DELE1: variants seen among roughly 807,000 people sequenced by gnomAD.
The protein encoded by DELE1 is death ligand signal enhancer.
In DELE1, 54 loss-of-function variants were observed where a neutral mutation model predicts 59.3. The ratio of observed to expected loss-of-function variants is 0.91; its 90% CI spans 0.73 to 1.14. The LOEUF (loss-of-function observed/expected upper bound fraction) is 1.14. Among genes scored for constraint, DELE1 ranks in the 50% most tolerant of loss-of-function variants. The pLI is 0.00. For missense variants in DELE1, 636 were observed against 643.9 expected (o/e 0.99, Z 0.13); for synonymous variants, 264 against 259.1 (o/e 1.02, Z -0.18).
At chr5:141,935,997 T>C (rs1035684772) in intron 10 of DELE1, among the ~76,000 whole-genome samples, 4 of 152,188 alleles carry the variant, frequency 2.6e-5, no homozygotes, top group Non-Finnish European at 4.4e-5. Context: ...CTGTGTGTTA[T>C]AGAAGCAGGG....
chr5:141,925,355 C>T, intron 2 of DELE1, 55 bp from the exon 3 acceptor site: 2 of 1,246,250 alleles, frequency 1.6e-6, no homozygotes, highest in Non-Finnish European at 2.2e-6. Context: ...GCCACCGCAC[C>T]CAGTCCCTGG....
intron 3 of DELE1, among the ~76,000 whole-genome samples, chr5:141,926,399 G>C (rs1751425181): frequency 6.6e-6 from 1 of 152,136 alleles, no homozygotes; most frequent in Non-Finnish European, 1.5e-5. Context: ...CAAATACAGA[G>C]CCTAGCCCGT....
rs374773989 is a variant in DELE1 at position 141,929,724 on chromosome 5, G to A, written c.555G>A (p.Gln185=). The A allele has an allele frequency of 1.9e-6, 3 of 1,614,206 alleles. No homozygotes were observed. Among genetic ancestry groups the A allele is most frequent in the Non-Finnish European group, 1.7e-6 (2 of 1,180,030 alleles). ...ACTCTTTGAGAGGAGCTCGTCCTCA[G>A]GACCCCTCTGAGGAAGGTATGTCCC... The part of the protein sequence containing the change: ...SHNSLRGARP[Q]DPSEEGPGDF... The change falls in exon 5 of 12, where the codon CAG becomes CAA. Residue 185 remains glutamine (Q), a synonymous_variant. Coordinates refer to ENST00000432126, the MANE Select transcript of DELE1 (RefSeq NM_014773.5).
chr5:141,925,369 C>G, intron 2 of DELE1, 41 bp from the exon 3 acceptor site: 1 of 1,401,882 alleles, frequency 7.1e-7, no homozygotes, highest in Non-Finnish European at 9.8e-7. Flanking sequence ...TCCCTGGTCT[C>G]CCTTTGCCCC....
intron 6 of DELE1, 43 bp downstream of exon 6, chr5:141,930,117 T>C: frequency 1.2e-6 from 2 of 1,606,562 alleles, no homozygotes; most frequent in Middle Eastern, 1.7e-4. Context: ...TAACATTCTC[T>C]TGGGCAGGTG....
Position 141,939,734 on chromosome 5 carries a change from G to A in DELE1, c.*975G>A, listed in dbSNP as rs193029138. The A allele has an allele frequency of 5.1e-6, 5 of 978,330 alleles. No homozygotes were observed. In the African/African-American group the frequency reaches 8.8e-5, roughly 17 times the overall value. 60.6% of individuals were successfully genotyped at this position (978,330 alleles called of 1,614,324 possible). A position where few individuals can be genotyped will look rare whatever the true frequency, so the allele number is the denominator to read the frequency against. ...CAGGTCTGGCTCTGCCACTTGCCTG[G>A]CCATGTCACCTTGAAGCTGTGACCT... On this transcript the variant is annotated 3_prime_UTR_variant, in exon 12 of 12. Coordinates refer to ENST00000432126, the MANE Select transcript of DELE1 (RefSeq NM_014773.5).
chr5:141,941,094 C>T lies in DELE1; in HGVS notation c.*2335C>T, dbSNP rs555607793. ...GGGCACCCTCTGCGTGAAATGTCAC[C>T]GTGTGCCCTCCCTGTGGAGCCCCAC... On this transcript the variant is annotated 3_prime_UTR_variant, in exon 12 of 12. Transcript: ENST00000432126. The T allele has an allele frequency of 5.3e-5, 52 of 985,454 alleles. No homozygotes were observed. In the Middle Eastern group the frequency reaches 1.6e-3, roughly 30 times the overall value. 61.0% of individuals were successfully genotyped at this position (985,454 alleles called of 1,614,324 possible).
At position 141,933,289 on chromosome 5, in the gene DELE1, C is replaced by T. The variant is rs201533364; in HGVS notation, c.785C>T (p.Thr262Met). 28 of 1,565,486 alleles carry T rather than the reference C, an allele frequency of 1.8e-5. No individual in the cohort carries two copies. Among genetic ancestry groups the T allele is most frequent in the East Asian group, 1.1e-4 (5 of 43,544 alleles). The change falls in exon 8 of 12, where the codon ACG (threonine) becomes ATG (methionine). Residue 262 changes from threonine (T) to methionine (M), a missense_variant. Thr to Met is a moderately conservative substitution (Grantham distance 81, BLOSUM62 -1). Coordinates refer to ENST00000432126, the MANE Select transcript of DELE1 (RefSeq NM_014773.5). Reference sequence around the variant, plus strand: ...GAGAACATGAAGAGTGGCGACCACACGGCAGCCTTTTCTTACTTCCAGAAA... The same window carrying T: ...GAGAACATGAAGAGTGGCGACCACATGGCAGCCTTTTCTTACTTCCAGAAA... ...GTENMKSGDH[T>M]AAFSYFQKAA...
chr5:141,932,966 G>T (rs183972327), intron 7 of DELE1, among the ~76,000 whole-genome samples: 1 of 151,628 alleles, frequency 6.6e-6, no homozygotes, highest in Admixed American at 6.6e-5. Flanking sequence ...ATGGGGTCAG[G>T]CATCTGTAAA....
rs1278568313 is a variant in DELE1, at chr5:141,941,725, G to A, written c.*2966G>A. The A allele has an allele frequency of 1.0e-6, 1 of 985,132 alleles. No homozygotes were observed. The highest frequency in any genetic ancestry group is 1.1e-4 in the East Asian group (1 of 8,802). 61.0% of individuals were successfully genotyped at this position (985,132 alleles called of 1,614,324 possible). ...TTTCAGGGAGTCCTGACACTATGAT[G>A]GGAACAAGGCTATTTGGTTTACTAT... is the stretch of plus-strand genomic sequence containing the variant. On this transcript the variant is annotated 3_prime_UTR_variant, in exon 12 of 12. Transcript: ENST00000432126.
chr5:141,941,249 C>T lies in DELE1; in HGVS notation c.*2490C>T, dbSNP rs1596632076. The T allele has an allele frequency of 1.0e-6, 1 of 985,490 alleles. No individual in the cohort carries two copies. The highest frequency in any genetic ancestry group is 1.1e-4 in the East Asian group (1 of 8,814). 61.0% of individuals were successfully genotyped at this position (985,490 alleles called of 1,614,324 possible). ...TGTGGTGAAGGCCAGATGCAGCCCT[C>T]CCTGAGTGGCTCTCCCTCCCACTCA... On this transcript the variant is annotated 3_prime_UTR_variant, in exon 12 of 12. Transcript: ENST00000432126.
In DELE1 at chr5:141,929,804, G is replaced by A. The variant is rs933074705; in HGVS notation, c.571+64G>A. The A allele has an allele frequency of 1.4e-5, 23 of 1,592,598 alleles. No individual in the cohort carries two copies. The African/African-American group carries it at 3.1e-4, about 21-fold the overall frequency. ...GCGGTGGTGGTGAGCTGGGCAAGATGGACGTTGTTTGCTGCGAAGGGAATT... is the reference window on the plus strand; with the variant it reads ...GCGGTGGTGGTGAGCTGGGCAAGATAGACGTTGTTTGCTGCGAAGGGAATT... On this transcript the variant is annotated intron_variant, in intron 5 of 11. Coordinates refer to ENST00000432126, the MANE Select transcript of DELE1 (RefSeq NM_014773.5).
At chr5:141,937,455 C>T in intron 11 of DELE1, 98 bp downstream of exon 11, 1 of 1,396,854 alleles carries the variant, frequency 7.2e-7, no homozygotes, top group Non-Finnish European at 9.9e-7. Flanking sequence ...CTAGTCATTT[C>T]CAACCCCAGT....
At chr5:141,932,832 C>T (rs894960932) in intron 7 of DELE1, among the ~76,000 whole-genome samples, 8 of 152,072 alleles carry the variant, frequency 5.3e-5, no homozygotes, top group African/African-American at 1.9e-4. Context: ...CAGTGGCTCA[C>T]GCCTGTAATC....
intron 4 of DELE1, among the ~76,000 whole-genome samples, chr5:141,929,261 T>C (rs1751683569): frequency 6.6e-6 from 1 of 152,156 alleles, no homozygotes; most frequent in Non-Finnish European, 1.5e-5. Context: ...TCTTTTTTTT[T>C]CTTTTGAGAC....
At chr5:141,928,004 C>A in intron 3 of DELE1, 147 bp from the exon 4 acceptor site, 1 of 793,878 alleles carries the variant, frequency 1.3e-6, no homozygotes, top group Non-Finnish European at 2.0e-6. Flanking sequence ...GTGGTCAGGG[C>A]TCCAGAGAAG....
chr5:141,936,723 G>A (rs890213890), intron 10 of DELE1: 4 of 293,288 alleles, frequency 1.4e-5, no homozygotes, highest in African/African-American at 2.3e-5. Flanking sequence ...GTGAGCCACC[G>A]CGCCCAGGCC....
chr5:141,941,115 C>T lies in DELE1; in HGVS notation c.*2356C>T. On this transcript the variant is annotated 3_prime_UTR_variant, in exon 12 of 12. Coordinates refer to ENST00000432126, the MANE Select transcript of DELE1 (RefSeq NM_014773.5). Reference sequence around the variant, plus strand: ...TCACCGTGTGCCCTCCCTGTGGAGCCCCACTCCCCAGCCTCCTCCCCTCTG... The same window carrying T: ...TCACCGTGTGCCCTCCCTGTGGAGCTCCACTCCCCAGCCTCCTCCCCTCTG... 7 of 985,404 alleles carry T rather than the reference C, an allele frequency of 7.1e-6. No individual in the cohort carries two copies. Among genetic ancestry groups the T allele is most frequent in the Non-Finnish European group, 8.4e-6 (7 of 829,944 alleles). The allele number at this position is 985,404 out of a possible 1,614,324, so 61.0% of individuals were successfully genotyped here. A position where few individuals can be genotyped will look rare whatever the true frequency, so the allele number is the denominator to read the frequency against.
chr5:141,925,536 T>A lies in DELE1; in HGVS notation c.264+9T>A, dbSNP rs1312710357. The A allele has an allele frequency of 6.4e-7, 1 of 1,555,326 alleles. No homozygotes were observed. The highest frequency in any genetic ancestry group is 1.8e-5 in the Admixed American group (1 of 54,620). On this transcript the variant is annotated intron_variant, in intron 3 of 11. Coordinates refer to ENST00000432126, the MANE Select transcript of DELE1 (RefSeq NM_014773.5). ...GGGATGCCATATCTTGGGTAAGGCT[T>A]CCCCAGCCTGGTCCTTGACCTTCAG...
Sources: gnomAD v4.1 joint callset for allele counts (sites outside exome capture counted in the v4.1 genomes callset) on GRCh38, gnomAD v4.1.1 for gene constraint, MANE v1.5 for transcripts, NCBI Gene and HGNC (gene_info 2026-07-23, HGNC 2026-07-21) for gene names.